Variants in ZNF133 observed in about 807,000 individuals in gnomAD.
ZNF133 encodes the protein zinc finger protein 133 (clone pHZ-13).
A neutral mutation model predicts 54.9 loss-of-function variants in ZNF133; 26 were observed. The observed-to-expected ratio is 0.47, with a 90% CI of 0.35 to 0.66. ZNF133 has a LOEUF of 0.66. ZNF133 is among the 30% of genes least tolerant of loss of function. The pLI is 0.01. For synonymous variants in ZNF133, 298 were observed against 320.3 expected, an observed-to-expected ratio of 0.93 and a Z score of 0.74; for missense variants, 653 against 820.8, an observed-to-expected ratio of 0.80 and a Z score of 2.50.
chr20:18,294,706 A>G (rs1271374372), intron 1 of ZNF133, among the ~76,000 whole-genome samples: 1 of 152,214 alleles, frequency 6.6e-6, no homozygotes, highest in Non-Finnish European at 1.5e-5. Flanking sequence ...GGTAAAGAGT[A>G]TCTTACATGT....
In ZNF133 at chr20:18,310,326, G is replaced by C. The variant is rs7275090; in HGVS notation, c.217+3933G>C. 2.6e-3 allele frequency: 3,978 copies of C among 1,527,990 alleles called. 103 individuals are homozygous for C. In the African/African-American group the frequency reaches 0.048, roughly 19 times the overall value. 94.7% of individuals were successfully genotyped at this position (1,527,990 alleles called of 1,614,324 possible). A position where few individuals can be genotyped will look rare whatever the true frequency, so the allele number is the denominator to read the frequency against. Reference sequence around the variant, plus strand: ...TTCTAGGTATAAAATACATCTTAACGGTTTCATTATTCTATATTTGGGACT... The same window carrying C: ...TTCTAGGTATAAAATACATCTTAACCGTTTCATTATTCTATATTTGGGACT... On this transcript the variant is annotated intron_variant, in intron 6 of 6. Transcript: ENST00000425686.
At chr20:18,310,152 C>T in intron 6 of ZNF133, 1 of 1,310,444 alleles carries the variant, frequency 7.6e-7, no homozygotes, top group Non-Finnish European at 9.7e-7. Flanking sequence ...GTTTTTAATC[C>T]TTGTTTTAAT....
intron 3 of ZNF133, among the ~76,000 whole-genome samples, chr20:18,303,762 C>G (rs1241696064): frequency 6.6e-6 from 1 of 152,166 alleles, no homozygotes; most frequent in Non-Finnish European, 1.5e-5. Context: ...AAGTTGAACC[C>G]TTACCTAACA....
At chr20:18,296,293 T>G (rs868746817) in intron 1 of ZNF133, among the ~76,000 whole-genome samples, 2 of 152,218 alleles carry the variant, frequency 1.3e-5, no homozygotes, top group African/African-American at 4.8e-5. Context: ...TTTTTTTTGG[T>G]GGTAAATATG....
At chr20:18,312,872 G>A (rs2046410404) in intron 6 of ZNF133, 1 of 152,104 alleles carries the variant, frequency 6.6e-6, no homozygotes, top group Admixed American at 6.6e-5. Flanking sequence ...ACCACAACCA[G>A]CTAATTTTTA....
chr20:18,291,711 T>A (rs75243528), intron 1 of ZNF133, among the ~76,000 whole-genome samples: 1 of 147,194 alleles, frequency 6.8e-6, no homozygotes, highest in South Asian at 2.1e-4. Flanking sequence ...CCAGTTGGAT[T>A]TTTTTTTTTT....
At chr20:18,304,246 C>T (rs2044098722) in intron 3 of ZNF133, among the ~76,000 whole-genome samples, 1 of 151,970 alleles carries the variant, frequency 6.6e-6, no homozygotes, top group African/African-American at 2.4e-5. Flanking sequence ...TTAAAAAAAA[C>T]CCAAAACTAG....
chr20:18,311,532 G>A (rs2045955363), intron 6 of ZNF133, among the ~76,000 whole-genome samples: 2 of 152,142 alleles, frequency 1.3e-5, no homozygotes, highest in African/African-American at 4.8e-5. Flanking sequence ...AATTGTACAT[G>A]TTTTTAAGCA....
rs1205146595 is a variant in ZNF133, at chr20:18,315,660, T to A, written c.809T>A (p.Ile270Asn). 1 of 1,612,628 alleles carries A rather than the reference T, an allele frequency of 6.2e-7. No homozygotes were observed. Among genetic ancestry groups the A allele is most frequent in the Non-Finnish European group, 8.5e-7 (1 of 1,179,654 alleles). ...AAGGCACACTCGGGGGAGAAGCCAA[T>A]TGTGTGCAGGGAGTGTGGACGAGGC... ...HQKAHSGEKP[I>N]VCRECGRGFN... The change falls in exon 7 of 7, where the codon ATT becomes AAT. Residue 270 changes from isoleucine to asparagine, a missense_variant. Physicochemically the swap from Ile to Asn is moderately radical, Grantham distance 149. Transcript: ENST00000425686.
chr20:18,315,818 G>C lies in ZNF133; in HGVS notation c.967G>C (p.Glu323Gln). 6.2e-7 allele frequency: 1 copy of C among 1,612,584 alleles called. No individual in the cohort carries two copies. The highest frequency in any genetic ancestry group is 8.5e-7 in the Non-Finnish European group (1 of 1,178,870). Reference protein sequence around the residue: ...LIIHQRTHSGEKPYVCRECGK... With the variant: ...LIIHQRTHSGQKPYVCRECGK... ...CATACACCAGAGGACACACTCAGGG[G>C]AAAAGCCTTACGTGTGCCGGGAATG... The change falls in exon 7 of 7, where the codon GAA becomes CAA. Residue 323 changes from glutamate to glutamine, a missense_variant. Around this residue, in one of 4 missense-constraint regions of ZNF133, gnomAD observed 292 missense variants for 431.6 expected, o/e 0.68. Transcript: ENST00000425686.
chr20:18,300,630 C>T (rs915609911), intron 3 of ZNF133, among the ~76,000 whole-genome samples: 4 of 152,018 alleles, frequency 2.6e-5, no homozygotes, highest in Non-Finnish European at 4.4e-5. Context: ...TGGAAAAAGA[C>T]GTTTCATGCA....
At chr20:18,293,495 T>A (rs2041543133) in intron 1 of ZNF133, among the ~76,000 whole-genome samples, 1 of 152,234 alleles carries the variant, frequency 6.6e-6, no homozygotes, top group Non-Finnish European at 1.5e-5. Context: ...TCTTAGGACT[T>A]AAGCCTGTAA....
At chr20:18,302,002 A>G (rs1293898707) in intron 3 of ZNF133, among the ~76,000 whole-genome samples, 1 of 152,230 alleles carries the variant, frequency 6.6e-6, no homozygotes, top group African/African-American at 2.4e-5. Flanking sequence ...AAAAATTTCA[A>G]CAAAATACTA....
chr20:18,304,822 T>C (rs533811989), intron 3 of ZNF133, among the ~76,000 whole-genome samples, 186 bp from the exon 4 acceptor site: 1 of 152,110 alleles, frequency 6.6e-6, no homozygotes, highest in African/African-American at 2.4e-5. Context: ...CTTTTATTCC[T>C]CCTAGGGGGC....
intron 3 of ZNF133, among the ~76,000 whole-genome samples, chr20:18,301,681 G>T (rs2043389099): frequency 6.6e-6 from 1 of 151,808 alleles, no homozygotes; most frequent in African/African-American, 2.4e-5. Flanking sequence ...CAAATTCTTA[G>T]AATGCAAAAC....
At chr20:18,290,799 T>C (rs1210136747) in intron 1 of ZNF133, among the ~76,000 whole-genome samples, 1 of 152,118 alleles carries the variant, frequency 6.6e-6, no homozygotes. Context: ...GAGTTTTCCT[T>C]GCATCCTTGT....
At chr20:18,296,919 T>G (rs1441073963) in intron 1 of ZNF133, among the ~76,000 whole-genome samples, 1 of 152,238 alleles carries the variant, frequency 6.6e-6, no homozygotes, top group Admixed American at 6.5e-5. Context: ...TCAAAAACTC[T>G]GGTAGAACTC....
In ZNF133 at chr20:18,316,370, T is replaced by G; in HGVS notation, c.1519T>G (p.Ser507Ala). The G allele has an allele frequency of 1.2e-6, 2 of 1,613,240 alleles. No individual in the cohort carries two copies. Among genetic ancestry groups the G allele is most frequent in the Non-Finnish European group, 1.7e-6 (2 of 1,179,780 alleles). Residue 507 changes from serine (S) to alanine (A), a missense_variant, in exon 7 of 7, where the codon TCA (serine) becomes GCA (alanine). Around this residue, in one of 4 missense-constraint regions of ZNF133, gnomAD observed 292 missense variants for 431.6 expected, o/e 0.68. Transcript: ENST00000425686. The stretch of plus-strand genomic sequence containing the variant: ...GTGCGGGCGAGGCTTCAGCCAGAAG[T>G]CAAACCTTGTTGCACACCAGAGGAC... ...GECGRGFSQKSNLVAHQRTHS... is the reference protein window; with the variant it reads ...GECGRGFSQKANLVAHQRTHS...
intron 3 of ZNF133, among the ~76,000 whole-genome samples, chr20:18,304,801 C>G (rs1375708402): frequency 6.6e-6 from 1 of 152,148 alleles, no homozygotes; most frequent in Non-Finnish European, 1.5e-5. Context: ...CTGGATTCTA[C>G]CAGTAGGTGG....
Sources: allele counts gnomAD v4.1 joint callset (sites outside exome capture counted in the v4.1 genomes callset), GRCh38; gene constraint gnomAD v4.1.1; regional missense constraint gnomAD v4.1.1; transcripts MANE v1.5; gene names NCBI Gene and HGNC (gene_info 2026-07-23, HGNC 2026-07-21).